The following SHISA6 variants were observed in gnomAD, a reference collection of about 807,000 sequenced individuals.
SHISA6 encodes the protein shisa family member 6.
Under a neutral mutation model 47.9 loss-of-function variants are expected in SHISA6, and 22 were observed. The observed-to-expected ratio is 0.46, with a 90% confidence interval of 0.33 to 0.66. The LOEUF is 0.66. Among genes scored for constraint, SHISA6 ranks in the 30% least tolerant of loss-of-function variants. SHISA6 has a pLI of 0.02. For synonymous variants in SHISA6, 388 were observed against 337.8 expected (o/e 1.15, Z -1.63); for missense variants, 680 against 764.6 (o/e 0.89, Z 1.30).
chr17:11,430,726 G>C (rs1914747219), intron 3 of SHISA6, among the ~76,000 whole-genome samples: 1 of 152,158 alleles, frequency 6.6e-6, no homozygotes, highest in Non-Finnish European at 1.5e-5. Flanking sequence ...ATGCACCTGG[G>C]CATAATAAGA....
chr17:11,546,907 C>A, intron 3 of SHISA6, among the ~76,000 whole-genome samples: 1 of 150,080 alleles, frequency 6.7e-6, no homozygotes, highest in Admixed American at 6.7e-5. Flanking sequence ...CCAGCCTGGG[C>A]AATAGAGCAA....
At chr17:11,522,556 T>C (rs747725797) in intron 3 of SHISA6, among the ~76,000 whole-genome samples, 1 of 152,206 alleles carries the variant, frequency 6.6e-6, no homozygotes, top group East Asian at 1.9e-4. Context: ...ATGCCTGCTA[T>C]GAAAATGGTG....
intron 3 of SHISA6, among the ~76,000 whole-genome samples, chr17:11,414,578 A>G (rs1248070805): frequency 3.3e-5 from 5 of 152,172 alleles, no homozygotes; most frequent in African/African-American, 4.8e-5. Context: ...TGGCTTTTGT[A>G]GCTGTCCTCA....
chr17:11,374,088 A>G (rs192751242), intron 2 of SHISA6, among the ~76,000 whole-genome samples: 179 of 152,276 alleles, frequency 1.2e-3, no homozygotes, highest in African/African-American at 4.2e-3. Flanking sequence ...TTGCTAGTCT[A>G]TTGAGTGTGA....
chr17:11,464,725 C>T lies in SHISA6; in HGVS notation c.895+85216C>T, dbSNP rs573168796. Among the ~76,000 whole-genome samples the T allele has an allele frequency of 7.9e-5, 12 of 152,206 alleles. 1 individual carries two copies. In the South Asian group the frequency reaches 2.3e-3, roughly 29 times the overall value. ...TGGGAGGCCAAGGCAGGTGGATCACCGGAGGCCAGGAGTTCGAGACCAGCC... is the reference window on the plus strand; with the variant it reads ...TGGGAGGCCAAGGCAGGTGGATCACTGGAGGCCAGGAGTTCGAGACCAGCC... On this transcript the variant is annotated intron_variant, in intron 3 of 5. Coordinates refer to ENST00000441885, the MANE Select transcript of SHISA6 (RefSeq NM_207386.4).
intron 2 of SHISA6, among the ~76,000 whole-genome samples, chr17:11,268,220 A>T (rs1441226738): frequency 2.0e-5 from 3 of 152,194 alleles, no homozygotes; most frequent in Non-Finnish European, 4.4e-5. Context: ...AAGAACAGCC[A>T]GTCATCCTGC....
At chr17:11,244,645 CAG>C (rs1377113299) in intron 1 of SHISA6, among the ~76,000 whole-genome samples, 2 of 152,074 alleles carry the variant, frequency 1.3e-5, no homozygotes, top group South Asian at 2.1e-4. Context: ...GTGATAGAGA[CAG>C]AGAAATATTC....
At chr17:11,283,729 G>A (rs957329368) in intron 2 of SHISA6, among the ~76,000 whole-genome samples, 10 of 152,202 alleles carry the variant, frequency 6.6e-5, no homozygotes, top group Non-Finnish European at 1.5e-4. Flanking sequence ...CAGGGAAGAA[G>A]CATATAATGA....
At chr17:11,523,876 C>T (rs866211781) in intron 3 of SHISA6, among the ~76,000 whole-genome samples, 4 of 151,968 alleles carry the variant, frequency 2.6e-5, no homozygotes, top group Middle Eastern at 3.4e-3. Flanking sequence ...CATGGTGGCG[C>T]GTGCCTGTAA....
intron 3 of SHISA6, among the ~76,000 whole-genome samples, chr17:11,397,395 C>CTGTGTGTGTGTGTGTGTGTGTGTG (rs3034221): frequency 8.9e-4 from 125 of 140,520 alleles, no homozygotes; most frequent in African/African-American, 2.7e-3. Context: ...TTACCTGCCT[C>CTGTGTGTGTGTGTGTGTGTGTGTG]TGTGTGTGTG....
At chr17:11,491,779 T>TTTG (rs1471490982) in intron 3 of SHISA6, among the ~76,000 whole-genome samples, 2 of 150,122 alleles carry the variant, frequency 1.3e-5, no homozygotes, top group Non-Finnish European at 3.0e-5. Flanking sequence ...TGTTTTTTTT[T>TTTG]TTTTTTTTTT....
intron 2 of SHISA6, among the ~76,000 whole-genome samples, chr17:11,341,608 A>G (rs1040568803): frequency 1.3e-5 from 2 of 152,012 alleles, no homozygotes; most frequent in African/African-American, 4.8e-5. Flanking sequence ...TGCCGGGATT[A>G]CAGGTGTGAG....
intron 3 of SHISA6, among the ~76,000 whole-genome samples, chr17:11,473,867 C>A (rs1450776203): frequency 6.6e-6 from 1 of 151,946 alleles, no homozygotes; most frequent in Non-Finnish European, 1.5e-5. Context: ...GTTTTAAGCC[C>A]CACATACATT....
intron 2 of SHISA6, among the ~76,000 whole-genome samples, chr17:11,298,983 G>A (rs1358355903): frequency 6.6e-6 from 1 of 152,168 alleles, no homozygotes; most frequent in Non-Finnish European, 1.5e-5. Context: ...TAGTCTATTA[G>A]GTTGATGCAA....
intron 3 of SHISA6, among the ~76,000 whole-genome samples, chr17:11,530,075 G>T (rs2071719555): frequency 6.6e-6 from 1 of 151,860 alleles, no homozygotes; most frequent in Admixed American, 6.6e-5. Flanking sequence ...ACTGTCAATC[G>T]GAATCAGAAT....
At chr17:11,359,651 A>G (rs1007689959) in intron 2 of SHISA6, among the ~76,000 whole-genome samples, 8 of 152,230 alleles carry the variant, frequency 5.3e-5, no homozygotes, top group Non-Finnish European at 1.2e-4. Flanking sequence ...AGAGTATTTC[A>G]AACTCTTAGT....
At chr17:11,267,934 A>G (rs1908487420) in intron 2 of SHISA6, among the ~76,000 whole-genome samples, 2 of 152,158 alleles carry the variant, frequency 1.3e-5, no homozygotes, top group Admixed American at 6.5e-5. Context: ...CTAGCGTTGC[A>G]GTTCCCTGAG....
At chr17:11,294,979 C>A (rs548654579) in intron 2 of SHISA6, among the ~76,000 whole-genome samples, 32 of 152,170 alleles carry the variant, frequency 2.1e-4, no homozygotes, top group Non-Finnish European at 2.5e-4. Flanking sequence ...CAAGCCCGCA[C>A]ACTAGGATAG....
At chr17:11,524,691 G>A (rs1313783802) in intron 3 of SHISA6, among the ~76,000 whole-genome samples, 1 of 151,954 alleles carries the variant, frequency 6.6e-6, no homozygotes. Context: ...TCAAGACGGG[G>A]TTTCGCCATG....
Sources: allele counts gnomAD v4.1 joint callset (sites outside exome capture counted in the v4.1 genomes callset), GRCh38; gene constraint gnomAD v4.1.1; transcripts MANE v1.5; gene names NCBI Gene and HGNC (gene_info 2026-07-23, HGNC 2026-07-21).